The following PRRC2B variants were observed in gnomAD, a reference collection of about 807,000 sequenced individuals.
PRRC2B encodes protein PRRC2B.
In PRRC2B, 68 loss-of-function variants were observed where a neutral mutation model predicts 242.3. The observed-to-expected ratio is 0.28, with a 90% confidence interval of 0.23 to 0.34. PRRC2B has a LOEUF of 0.34. Among genes scored for constraint, PRRC2B ranks in the 10% least tolerant of loss-of-function variants. PRRC2B has a pLI of 1.00. For synonymous variants in PRRC2B, 1,228 were observed against 1,173.6 expected (o/e 1.05, Z -0.95); for missense variants, 2,835 against 2,954.8 (o/e 0.96, Z 0.94).
chr9:131,480,559 G>A (rs141402447), intron 19 of PRRC2B, among the ~76,000 whole-genome samples: 220 of 152,098 alleles, frequency 1.4e-3, no homozygotes, highest in Non-Finnish European at 1.6e-3. Flanking sequence ...CTCAGACCAG[G>A]GGTTGTGTCC....
intron 1 of PRRC2B, among the ~76,000 whole-genome samples, chr9:131,395,864 T>G (rs982238063): frequency 1.3e-5 from 2 of 152,170 alleles, no homozygotes; most frequent in Non-Finnish European, 2.9e-5. Context: ...GTTGGTCAGT[T>G]TAAGGCAGGG....
At chr9:131,388,950 C>T (rs1836862859) in intron 1 of PRRC2B, among the ~76,000 whole-genome samples, 1 of 148,742 alleles carries the variant, frequency 6.7e-6, no homozygotes, top group African/African-American at 2.4e-5. Flanking sequence ...AACCAATTCT[C>T]CTGCCTCGTC....
At chr9:131,429,839 ACAG>A (rs972989928) in intron 1 of PRRC2B, among the ~76,000 whole-genome samples, 2 of 152,016 alleles carry the variant, frequency 1.3e-5, no homozygotes, top group African/African-American at 4.8e-5. Flanking sequence ...AGAGGAATTA[ACAG>A]CAGGTGGGGG....
At chr9:131,486,844 A>T (rs1218861525) in intron 26 of PRRC2B, among the ~76,000 whole-genome samples, 1 of 152,216 alleles carries the variant, frequency 6.6e-6, no homozygotes, top group East Asian at 1.9e-4. Context: ...ACTGGGTCAG[A>T]CTGCATGTAT....
intron 5 of PRRC2B, among the ~76,000 whole-genome samples, chr9:131,440,428 A>T (rs1464388073): frequency 6.6e-6 from 1 of 152,098 alleles, no homozygotes; most frequent in Non-Finnish European, 1.5e-5. Context: ...GATAGAATAT[A>T]TTAATTTTTA....
intron 9 of PRRC2B, among the ~76,000 whole-genome samples, chr9:131,450,277 T>A (rs1320183121): frequency 1.3e-5 from 2 of 152,074 alleles, no homozygotes; most frequent in African/African-American, 2.4e-5. Flanking sequence ...ATTTTTTTTT[T>A]TTTTTCCCGA....
chr9:131,423,829 A>C (rs1459719912), intron 1 of PRRC2B, among the ~76,000 whole-genome samples: 2 of 152,188 alleles, frequency 1.3e-5, no homozygotes, highest in African/African-American at 4.8e-5. Context: ...TCACTGCAGC[A>C]GTGACTCGCC....
At chr9:131,391,145 C>T (rs1836896291), upstream of PRRC2B, among the ~76,000 whole-genome samples, 1 of 151,992 alleles carries the variant, frequency 6.6e-6, no homozygotes, top group Non-Finnish European at 1.5e-5. Context: ...CAAGGTTGTA[C>T]TAGTTTTCTA....
chr9:131,432,839 G>C, intron 3 of PRRC2B, 45 bp downstream of exon 3: 1 of 1,598,694 alleles, frequency 6.3e-7, no homozygotes, highest in Non-Finnish European at 8.5e-7. Context: ...GCGCTCCAAG[G>C]GTGGTCCCGG....
rs141134133 is a variant in PRRC2B, at chr9:131,486,441, C to G, written c.5856+259C>G. On this transcript the variant is annotated intron_variant, in intron 26 of 31. Transcript: ENST00000683519. ...CAAAGTTCTCCCTCCTGTGTCCTAG[C>G]CGGGGAATTAGCTAAAATGGAATTT... 407 of 970,766 alleles carry G rather than the reference C, an allele frequency of 4.2e-4. 3 individuals carry two copies. The African/African-American group carries it at 6.8e-3, about 16-fold the overall frequency. 60.1% of individuals were successfully genotyped at this position (970,766 alleles called of 1,614,324 possible). A position where few individuals can be genotyped will look rare whatever the true frequency, so the allele number is the denominator to read the frequency against.
chr9:131,379,624 ATT>A (rs34113422), intron 1 of PRRC2B, among the ~76,000 whole-genome samples: 26 of 127,950 alleles, frequency 2.0e-4, no homozygotes, highest in Admixed American at 4.2e-4. Context: ...TCCTTGGTCC[ATT>A]TTTTTTTTTT....
At chr9:131,379,239 T>A (rs963795161) in intron 1 of PRRC2B, among the ~76,000 whole-genome samples, 3 of 152,198 alleles carry the variant, frequency 2.0e-5, no homozygotes, top group Admixed American at 2.0e-4. Context: ...TTGTGAATAA[T>A]GATGATATGA....
chr9:131,477,365 C>G (rs1472269141), intron 16 of PRRC2B, among the ~76,000 whole-genome samples: 1 of 152,222 alleles, frequency 6.6e-6, no homozygotes, highest in Non-Finnish European at 1.5e-5. Flanking sequence ...AGAGGCTGAC[C>G]CTTGGCTTCA....
At chr9:131,405,648 C>G (rs1287501232) in intron 1 of PRRC2B, among the ~76,000 whole-genome samples, 1 of 152,162 alleles carries the variant, frequency 6.6e-6, no homozygotes, top group Non-Finnish European at 1.5e-5. Flanking sequence ...GGTGTTTCAT[C>G]AGGCTAGGCT....
chr9:131,387,089 C>G (rs968252617), intron 1 of PRRC2B, among the ~76,000 whole-genome samples: 2 of 150,070 alleles, frequency 1.3e-5, no homozygotes, highest in African/African-American at 4.9e-5. Context: ...GCCACCTCAG[C>G]CTTCCGGGTT....
chr9:131,485,772 T>C (rs1200930095), intron 25 of PRRC2B: 1 of 634,184 alleles, frequency 1.6e-6, no homozygotes, highest in South Asian at 1.4e-5. Context: ...CTGGTTAAAG[T>C]AGAATGCCCC....
rs980684720 is a variant in PRRC2B at position 131,498,143 on chromosome 9, A to G, written c.*2269A>G. 3.3e-5 allele frequency: 5 copies of G among 152,292 alleles called. No homozygotes were observed. Among genetic ancestry groups the G allele is most frequent in the Admixed American group, 1.3e-4 (2 of 15,298 alleles). The allele number at this position is 152,292 out of a possible 1,614,324, so 9.4% of individuals were successfully genotyped here. A position where few individuals can be genotyped will look rare whatever the true frequency, so the allele number is the denominator to read the frequency against. On this transcript the variant is annotated 3_prime_UTR_variant, in exon 32 of 32. Coordinates refer to ENST00000683519, the MANE Select transcript of PRRC2B (RefSeq NM_013318.4). ...TTGCTGTTTGAGAAAAAATAAAAAC[A>G]AAAAGGTCACCTGTTCTCCAGCCCT...
chr9:131,414,742 G>A (rs143749388), intron 1 of PRRC2B, among the ~76,000 whole-genome samples: 1 of 151,866 alleles, frequency 6.6e-6, no homozygotes, highest in Non-Finnish European at 1.5e-5. Context: ...ACTGATTTTT[G>A]TATTTTTAGT....
chr9:131,410,610 T>C (rs1184566733), intron 1 of PRRC2B, among the ~76,000 whole-genome samples: 1 of 152,256 alleles, frequency 6.6e-6, no homozygotes, highest in East Asian at 1.9e-4. Flanking sequence ...CTTGAACTAG[T>C]TATTTAACCT....
Sources: allele counts gnomAD v4.1 joint callset (sites outside exome capture counted in the v4.1 genomes callset), GRCh38; gene constraint gnomAD v4.1.1; transcripts MANE v1.5; gene names NCBI Gene and HGNC (gene_info 2026-07-23, HGNC 2026-07-21).